Variants in IGF1R observed in about 807,000 individuals in gnomAD.
The protein encoded by IGF1R is insulin like growth factor 1 receptor, also known as insulin-like growth factor 1 receptor.
Under a neutral mutation model 144.6 loss-of-function variants are expected in IGF1R, and 44 were observed. The observed-to-expected ratio is 0.30, with a 90% CI of 0.24 to 0.39. The LOEUF (loss-of-function observed/expected upper bound fraction) is 0.39, where lower values mean the gene tolerates loss of function less well. Ranked by LOEUF, IGF1R falls within the 10% of genes least tolerant of loss-of-function variation. The pLI is 1.00. For missense variants in IGF1R, 1,355 were observed against 1,833.7 expected (o/e 0.74, Z 4.77); for synonymous variants, 795 against 722.8 (o/e 1.10, Z -1.60).
chr15:98,683,352 C>T (rs1045188252), intron 1 of IGF1R, among the ~76,000 whole-genome samples: 5 of 152,188 alleles, frequency 3.3e-5, no homozygotes, highest in East Asian at 1.9e-4. Context: ...GAGTCTTTCA[C>T]GATCTGATGT....
chr15:98,820,202 CAT>C (rs3076066), intron 2 of IGF1R, among the ~76,000 whole-genome samples: 127,239 of 149,382 alleles, frequency 0.85, 55,291 homozygotes, highest in Non-Finnish European at 0.94. Context: ...ATGCTATTTT[CAT>C]ATATATATAT....
At chr15:98,925,624 C>T (rs570247905) in intron 13 of IGF1R, among the ~76,000 whole-genome samples, 2 of 152,214 alleles carry the variant, frequency 1.3e-5, no homozygotes, top group African/African-American at 2.4e-5. Flanking sequence ...TGCACTCCGC[C>T]GGGTGCAGTG....
rs761664892 is a variant in IGF1R, at chr15:98,963,749, A to G, written c.*6307A>G. 2 of 233,148 alleles carry G rather than the reference A, an allele frequency of 8.6e-6. No homozygotes were observed. Among genetic ancestry groups the G allele is most frequent in the East Asian group, 1.2e-4 (2 of 16,580 alleles). 14.4% of individuals were successfully genotyped at this position (233,148 alleles called of 1,614,324 possible). The stretch of plus-strand genomic sequence containing the variant: ...TTTGTTAGAACACAGAAGAGACCCT[A>G]TTTTATTTAAGGCAGAACCCCGAAG... On this transcript the variant is annotated 3_prime_UTR_variant, in exon 21 of 21. Coordinates refer to ENST00000650285, the MANE Select transcript of IGF1R (RefSeq NM_000875.5).
rs141802822 is a variant in IGF1R at position 98,957,347 on chromosome 15, C to T, written c.4009C>T (p.Arg1337Cys). 4.0e-4 allele frequency: 647 copies of T among 1,612,020 alleles called. No homozygotes were observed. The highest frequency in any genetic ancestry group is 1.0e-3 in the African/African-American group (78 of 75,038). ...NGPGPGVLVL[R>C]ASFDERQPYA... ...CCCCGGCCCTGGGGTGCTGGTCCTCCGCGCCAGCTTCGACGAGAGACAGCC... is the reference window on the plus strand; with the variant it reads ...CCCCGGCCCTGGGGTGCTGGTCCTCTGCGCCAGCTTCGACGAGAGACAGCC... Residue 1337 changes from arginine to cysteine, a missense_variant, in exon 21 of 21, where the codon CGC becomes TGC. This residue lies in a region of IGF1R where 219 missense variants were observed against 188.8 expected (regional missense o/e 1.16). Transcript: ENST00000650285.
chr15:98,951,850 T>A (rs1419980647), intron 20 of IGF1R, among the ~76,000 whole-genome samples: 2 of 152,236 alleles, frequency 1.3e-5, no homozygotes, highest in African/African-American at 2.4e-5. Flanking sequence ...CGACCTTGAC[T>A]GTGACTACTG....
At position 98,959,922 on chromosome 15, in the gene IGF1R, T is replaced by TC. The variant is rs2017157836; in HGVS notation, c.*2481dup. On this transcript the variant is annotated 3_prime_UTR_variant, in exon 21 of 21. Transcript: ENST00000650285. ...TTTATTTTGTGATAAATTACCAGTT[T>TC]CAATCACTGTAGAAAAGCCCCATTA... 1 of 233,214 alleles carries TC rather than the reference T, an allele frequency of 4.3e-6. No individual in the cohort carries two copies. The highest frequency in any genetic ancestry group is 6.0e-5 in the East Asian group (1 of 16,584). 14.4% of individuals were successfully genotyped at this position (233,214 alleles called of 1,614,324 possible).
At chr15:98,671,436 A>C (rs1376706886) in intron 1 of IGF1R, among the ~76,000 whole-genome samples, 1 of 152,132 alleles carries the variant, frequency 6.6e-6, no homozygotes, top group Non-Finnish European at 1.5e-5. Flanking sequence ...TTGTAAACAA[A>C]CGTCATTTGT....
At chr15:98,803,033 T>C (rs924304193) in intron 2 of IGF1R, among the ~76,000 whole-genome samples, 1 of 152,114 alleles carries the variant, frequency 6.6e-6, no homozygotes. Context: ...TTCAGTAACA[T>C]GAAGGTAATT....
intron 8 of IGF1R, 137 bp from the exon 9 acceptor site, chr15:98,915,827 A>G (rs771025379): frequency 2.9e-5 from 24 of 815,096 alleles, no homozygotes; most frequent in Non-Finnish European, 5.0e-5. Flanking sequence ...TTCACTTTTC[A>G]CTTTGTATTT....
intron 2 of IGF1R, among the ~76,000 whole-genome samples, chr15:98,722,898 G>A (rs530934039): frequency 9.2e-5 from 14 of 152,150 alleles, no homozygotes; most frequent in African/African-American, 3.4e-4. Flanking sequence ...GAGCATCTCC[G>A]CCTGGTGCTG....
intron 2 of IGF1R, 117 bp downstream of exon 2, chr15:98,708,224 A>T: frequency 1.1e-6 from 1 of 904,068 alleles, no homozygotes; most frequent in South Asian, 1.4e-5. Context: ...GTCGTGTTGC[A>T]TTTAGGACGT....
intron 9 of IGF1R, 32 bp downstream of exon 9, chr15:98,916,163 T>G: frequency 6.2e-7 from 1 of 1,610,546 alleles, no homozygotes. Context: ...GGACGGAGGG[T>G]GTGACCGTTC....
At chr15:98,901,890 G>A (rs918710180) in intron 5 of IGF1R, among the ~76,000 whole-genome samples, 1 of 152,144 alleles carries the variant, frequency 6.6e-6, no homozygotes, top group Non-Finnish European at 1.5e-5. Context: ...GGGGCCTGTT[G>A]GGCAACTAAC....
intron 1 of IGF1R, among the ~76,000 whole-genome samples, chr15:98,673,386 A>C (rs1183931204): frequency 6.6e-6 from 1 of 152,140 alleles, no homozygotes; most frequent in African/African-American, 2.4e-5. Context: ...GCTCTGTTTT[A>C]CCTTTCCTCA....
At position 98,957,264 on chromosome 15, in the gene IGF1R, C is replaced by T. The variant is rs1381601922; in HGVS notation, c.3926C>T (p.Ala1309Val). 1 of 1,614,014 alleles carries T rather than the reference C, an allele frequency of 6.2e-7. No homozygotes were observed. Among genetic ancestry groups the T allele is most frequent in the South Asian group, 1.1e-5 (1 of 91,074 alleles). Residue 1309 changes from alanine (A) to valine (V), a missense_variant, in exon 21 of 21, where the codon GCC becomes GTC. This residue lies in a region of IGF1R where 219 missense variants were observed against 188.8 expected (regional missense o/e 1.16). Transcript: ENST00000650285. ...NMESVPLDPS[A>V]SSSSLPLPDR... ...GAGAGCGTCCCCCTGGACCCCTCGG[C>T]CTCCTCGTCCTCCCTGCCACTGCCC... is the stretch of plus-strand genomic sequence containing the variant.
At chr15:98,830,455 G>A (rs2056979464) in intron 2 of IGF1R, among the ~76,000 whole-genome samples, 1 of 152,174 alleles carries the variant, frequency 6.6e-6, no homozygotes, top group South Asian at 2.1e-4. Flanking sequence ...AGCCTAAGCC[G>A]AAAATCTTGA....
At chr15:98,850,599 A>G (rs1222936612) in intron 2 of IGF1R, among the ~76,000 whole-genome samples, 1 of 152,232 alleles carries the variant, frequency 6.6e-6, no homozygotes, top group East Asian at 1.9e-4. Flanking sequence ...CATGTTGCCA[A>G]GGGAAGAAGT....
chr15:98,710,878 C>G (rs2099600396), intron 2 of IGF1R, among the ~76,000 whole-genome samples: 2 of 151,980 alleles, frequency 1.3e-5, no homozygotes, highest in African/African-American at 4.8e-5. Context: ...CCATGTTGGC[C>G]AGGCTGGTCT....
At chr15:98,883,063 T>C (rs1329022475) in intron 2 of IGF1R, among the ~76,000 whole-genome samples, 1 of 152,260 alleles carries the variant, frequency 6.6e-6, no homozygotes, top group East Asian at 1.9e-4. Context: ...ATAAAGTGTT[T>C]CTTCTGGGTC....
Sources: gnomAD v4.1 joint callset for allele counts (sites outside exome capture counted in the v4.1 genomes callset) on GRCh38, gnomAD v4.1.1 for gene constraint, gnomAD v4.1.1 regional missense constraint, MANE v1.5 for transcripts, NCBI Gene and HGNC (gene_info 2026-07-23, HGNC 2026-07-21) for gene names.